TRAP1: variants seen among roughly 807,000 people sequenced by gnomAD.
TRAP1 encodes heat shock protein 75 kDa, mitochondrial.
A neutral mutation model predicts 89.1 loss-of-function variants in TRAP1; 102 were observed. The observed-to-expected ratio is 1.15, with a 90% CI of 0.98 to 1.35. The LOEUF (loss-of-function observed/expected upper bound fraction) is 1.35. TRAP1 is among the 40% of genes most tolerant of loss of function. The pLI, the probability that TRAP1 is intolerant of heterozygous loss-of-function variation, is 0.00. For missense variants in TRAP1, 1,256 were observed against 945.3 expected, an observed-to-expected ratio of 1.33 and a Z score of -4.31; for synonymous variants, 508 against 388.0, an observed-to-expected ratio of 1.31 and a Z score of -3.64.
rs373928969 is a variant in TRAP1, at chr16:3,689,123, G to C, written c.262C>G (p.His88Asp). 2 of 1,612,542 alleles carry C rather than the reference G, an allele frequency of 1.2e-6. No homozygotes were observed. The highest frequency in any genetic ancestry group is 2.7e-5 in the African/African-American group (2 of 74,814). ...TTCTTTGTCTCGGCCTGGAACTCAT[G>C]TTTGGAAGTGGAACCTAGTAATGAA... Reference protein sequence around the residue: ...TESVQGSTSKHEFQAETKKLL... With the variant: ...TESVQGSTSKDEFQAETKKLL... Residue 88 changes from histidine (H) to aspartate (D), a missense_variant, in exon 3 of 18, where the codon CAT becomes GAT. Transcript: ENST00000246957.
intron 3 of TRAP1, among the ~76,000 whole-genome samples, chr16:3,687,810 T>G (rs1462644347): frequency 1.4e-5 from 2 of 143,302 alleles, no homozygotes; most frequent in African/African-American, 5.3e-5. Context: ...ATCATACCAC[T>G]GCACTCCAGC....
chr16:3,691,201 C>CT (rs1452404500), intron 1 of TRAP1: 24 of 372,526 alleles, frequency 6.4e-5, no homozygotes, highest in African/African-American at 4.4e-4. Context: ...GATACTGTGT[C>CT]TTCTCAGAAC....
chr16:3,672,884 A>T, intron 9 of TRAP1, 64 bp from the exon 10 acceptor site: 1 of 1,550,506 alleles, frequency 6.4e-7, no homozygotes, highest in Non-Finnish European at 8.7e-7. Flanking sequence ...CCTGGCTGGG[A>T]GGTGGGGGCG....
intron 1 of TRAP1, among the ~76,000 whole-genome samples, chr16:3,692,475 G>C (rs1482963423): frequency 6.6e-6 from 1 of 150,690 alleles, no homozygotes; most frequent in Admixed American, 6.6e-5. Context: ...AGTGGAGGTT[G>C]CAGTGAGCCG....
At chr16:3,700,629 C>A (rs2051352934) in intron 1 of TRAP1, among the ~76,000 whole-genome samples, 1 of 151,814 alleles carries the variant, frequency 6.6e-6, no homozygotes, top group Non-Finnish European at 1.5e-5. Flanking sequence ...CCACGCCAGG[C>A]TAATTTTTAT....
intron 9 of TRAP1, 99 bp from the exon 10 acceptor site, chr16:3,672,919 C>A (rs936259261): frequency 6.9e-7 from 1 of 1,445,412 alleles, no homozygotes; most frequent in Non-Finnish European, 9.1e-7. Flanking sequence ...AGAGCCCACT[C>A]CCGCCTCGCC....
intron 3 of TRAP1, 46 bp downstream of exon 3, chr16:3,689,009 G>T (rs1023014679): frequency 6.5e-7 from 1 of 1,548,586 alleles, no homozygotes; most frequent in African/African-American, 1.4e-5. Context: ...CCAGCTTTGT[G>T]AAAAGAAACT....
At chr16:3,703,787 G>A (rs8056700) in intron 1 of TRAP1, among the ~76,000 whole-genome samples, 6,006 of 149,204 alleles carry the variant, frequency 0.04, 516 homozygotes, top group African/African-American at 0.14. Context: ...AGGCCGAGGC[G>A]GGCAGATCAC....
Position 3,689,074 on chromosome 16 carries a change from G to C in TRAP1, c.311C>G (p.Ser104Cys), listed in dbSNP as rs2051176503. 1.2e-6 allele frequency: 2 copies of C among 1,613,726 alleles called. No individual in the cohort carries two copies. The highest frequency in any genetic ancestry group is 2.2e-5 in the East Asian group (1 of 44,876). Residue 104 changes from serine to cysteine, a missense_variant, in exon 3 of 18, where the codon TCC (serine) becomes TGC (cysteine). Physicochemically the swap from Ser to Cys is moderately radical, Grantham distance 112. Transcript: ENST00000246957. ...ACGCACCTCTTTTTCTGAGTACAGG[G>C]ACCGGGCAACAATGTCCAAAAGCTT... ...TKKLLDIVAR[S>C]LYSEKEVFIR...
In TRAP1 at chr16:3,689,391, C is replaced by A. The variant is rs570271322; in HGVS notation, c.248-254G>T. 1.1e-4 allele frequency among the ~76,000 whole-genome samples: 17 copies of A among 152,120 alleles called. No homozygotes were observed. The East Asian group carries it at 1.4e-3, about 12-fold the overall frequency. On this transcript the variant is annotated intron_variant, in intron 2 of 17. Coordinates refer to ENST00000246957, the MANE Select transcript of TRAP1 (RefSeq NM_016292.3). Reference sequence around the variant, plus strand: ...TCCCGAGTAGCTGGGACTACAGGTGCCTGCCACCACGCCCGGCTAATTTTT... The same window carrying A: ...TCCCGAGTAGCTGGGACTACAGGTGACTGCCACCACGCCCGGCTAATTTTT...
chr16:3,659,674 A>G (rs1388103119), intron 16 of TRAP1: 1 of 152,136 alleles, frequency 6.6e-6, no homozygotes, highest in Non-Finnish European at 1.5e-5. Flanking sequence ...TGGAGTCGGG[A>G]AAACCACATG....
intron 1 of TRAP1, among the ~76,000 whole-genome samples, chr16:3,702,517 C>CA (rs1411871028): frequency 6.6e-6 from 1 of 151,764 alleles, no homozygotes; most frequent in Non-Finnish European, 1.5e-5. Context: ...CTGAGGCAGG[C>CA]AGATCGCTTG....
intron 3 of TRAP1, among the ~76,000 whole-genome samples, chr16:3,688,195 C>A (rs993174701): frequency 2.6e-5 from 4 of 151,972 alleles, no homozygotes; most frequent in African/African-American, 7.3e-5. Context: ...GAGATGGGGT[C>A]TCTTCACGTT....
chr16:3,712,285 CAAAAAAAAAAAAAAAAAAAAA>C (rs764259574), intron 1 of TRAP1, among the ~76,000 whole-genome samples: 36 of 32,088 alleles, frequency 1.1e-3, no homozygotes, highest in Non-Finnish European at 6.0e-4. Flanking sequence ...GAATCTGTCT[CAAAAAAAAAAAAAAAAAAAAA>C]AAAAAAAAAA....
chr16:3,692,631 T>G (rs1409099434), intron 1 of TRAP1, among the ~76,000 whole-genome samples: 4 of 132,000 alleles, frequency 3.0e-5, no homozygotes, highest in Non-Finnish European at 6.2e-5. Context: ...GAAGTCTCAC[T>G]CTTGTTGCCC....
chr16:3,717,250 G>A (rs892004968), intron 1 of TRAP1, among the ~76,000 whole-genome samples, 171 bp downstream of exon 1: 1 of 152,240 alleles, frequency 6.6e-6, no homozygotes, highest in Non-Finnish European at 1.5e-5. Context: ...CAGCCAAGCT[G>A]GAGCTGGCGA....
intron 1 of TRAP1, among the ~76,000 whole-genome samples, chr16:3,709,298 A>G (rs1226509919): frequency 6.6e-6 from 1 of 151,998 alleles, no homozygotes; most frequent in Non-Finnish European, 1.5e-5. Flanking sequence ...AAAACAAGAA[A>G]CATCAATGGC....
At chr16:3,691,791 T>C (rs952687930) in intron 1 of TRAP1, among the ~76,000 whole-genome samples, 1 of 152,142 alleles carries the variant, frequency 6.6e-6, no homozygotes, top group Non-Finnish European at 1.5e-5. Flanking sequence ...TAAAAAAAAT[T>C]TGTGTACTTT....
chr16:3,663,008 C>G, intron 14 of TRAP1, 41 bp from the exon 15 acceptor site: 1 of 1,518,504 alleles, frequency 6.6e-7, no homozygotes, highest in Non-Finnish European at 8.9e-7. Flanking sequence ...GCCTGCATCC[C>G]AACTCCCCGG....
Sources: allele counts gnomAD v4.1 joint callset (sites outside exome capture counted in the v4.1 genomes callset), GRCh38; gene constraint gnomAD v4.1.1; transcripts MANE v1.5; gene names NCBI Gene and HGNC (gene_info 2026-07-23, HGNC 2026-07-21).